Variants in NRG1 observed in about 807,000 individuals in gnomAD.
NRG1 encodes neuregulin 1, also known as pro-neuregulin-1, membrane-bound isoform.
In NRG1, 18 loss-of-function variants were observed where a neutral mutation model predicts 63.8. The ratio of observed to expected loss-of-function variants is 0.28; its 90% CI spans 0.19 to 0.42. The LOEUF (loss-of-function observed/expected upper bound fraction) is 0.42. NRG1 is among the 10% of genes least tolerant of loss of function. The pLI is 1.00. For missense variants in NRG1, 762 were observed against 814.7 expected (o/e 0.94, Z 0.79); for synonymous variants, 302 against 301.3 (o/e 1.00, Z -0.02).
At chr8:31,698,560 C>A (rs1810319490) in intron 1 of NRG1, among the ~76,000 whole-genome samples, 1 of 152,194 alleles carries the variant, frequency 6.6e-6, no homozygotes, top group African/African-American at 2.4e-5. Context: ...TATTTATTGA[C>A]TGCCTGCTTC....
chr8:32,214,464 C>A (rs1183760623), intron 1 of NRG1, among the ~76,000 whole-genome samples: 1 of 152,038 alleles, frequency 6.6e-6, no homozygotes, highest in Non-Finnish European at 1.5e-5. Context: ...CATTGCTTTC[C>A]TTTGGATATT....
At chr8:32,412,420 C>CA (rs1815116027) in intron 1 of NRG1, among the ~76,000 whole-genome samples, 26 of 41,742 alleles carry the variant, frequency 6.2e-4, no homozygotes, top group Non-Finnish European at 1.2e-3. Context: ...CTCTCTCTCT[C>CA]TACATATATA....
intron 1 of NRG1, among the ~76,000 whole-genome samples, chr8:31,840,243 C>T (rs1586743689): frequency 6.6e-6 from 1 of 151,872 alleles, no homozygotes; most frequent in Non-Finnish European, 1.5e-5. Flanking sequence ...TCTACCTAGT[C>T]CATAGTATCC....
intron 1 of NRG1, among the ~76,000 whole-genome samples, chr8:32,154,381 C>T (rs571367849): frequency 1.3e-5 from 2 of 151,980 alleles, no homozygotes; most frequent in South Asian, 2.1e-4. Context: ...GCCTTCCTTT[C>T]TCCCACTTCC....
intron 1 of NRG1, among the ~76,000 whole-genome samples, chr8:32,348,605 C>T (rs370359439): frequency 5.3e-5 from 8 of 152,166 alleles, no homozygotes; most frequent in African/African-American, 1.9e-4. Context: ...TAGCCACTTA[C>T]TTACTCAATT....
In NRG1 at chr8:31,640,420, G is replaced by A; in HGVS notation, c.37+989G>A. ...CGGGACCGTGCCCTCTTGGCCCACC[G>A]CCCCGGTGCCCAGCGCCGGCGAGCC... On this transcript the variant is annotated intron_variant, in intron 1 of 10. Transcript: ENST00000519301. This position sits in a 1 kb window ranked among gnomAD's most constrained non-coding sequence, Gnocchi z 6.3. 3 of 1,492,390 alleles carry A rather than the reference G, an allele frequency of 2.0e-6. No individual in the cohort carries two copies. The highest frequency in any genetic ancestry group is 2.2e-5 in the Admixed American group (1 of 45,128). 92.4% of individuals were successfully genotyped at this position (1,492,390 alleles called of 1,614,324 possible).
intron 1 of NRG1, among the ~76,000 whole-genome samples, chr8:32,356,485 A>T (rs73676717): frequency 2.6e-5 from 2 of 75,484 alleles, no homozygotes; most frequent in Non-Finnish European, 2.5e-5. Context: ...CCCCCCCCCC[A>T]CCCGCCGGGC....
chr8:32,554,118 G>A (rs1834648980), intron 1 of NRG1, among the ~76,000 whole-genome samples: 1 of 152,074 alleles, frequency 6.6e-6, no homozygotes, highest in African/African-American at 2.4e-5. Flanking sequence ...GTTAACCCTG[G>A]AGCTCCCCCT....
chr8:32,310,636 T>C (rs1437822134), intron 1 of NRG1, among the ~76,000 whole-genome samples: 1 of 152,140 alleles, frequency 6.6e-6, no homozygotes, highest in Non-Finnish European at 1.5e-5. Context: ...GCAGGAGAAG[T>C]CTAAGAATTA....
At chr8:32,231,186 A>C (rs1231358058) in intron 1 of NRG1, among the ~76,000 whole-genome samples, 1 of 152,124 alleles carries the variant, frequency 6.6e-6, no homozygotes, top group African/African-American at 2.4e-5. Context: ...AAATTGGTTA[A>C]AAAAAGGGTA....
At chr8:32,074,946 A>G (rs1467819657) in intron 1 of NRG1, among the ~76,000 whole-genome samples, 3 of 152,362 alleles carry the variant, frequency 2.0e-5, no homozygotes, top group South Asian at 4.1e-4. Flanking sequence ...CCCTTGATTC[A>G]GATTGCCTGA....
chr8:31,762,863 C>T (rs1817692240), intron 1 of NRG1, among the ~76,000 whole-genome samples: 1 of 152,088 alleles, frequency 6.6e-6, no homozygotes, highest in Non-Finnish European at 1.5e-5. Context: ...CATTACTTGA[C>T]ATGAAAACCT....
intron 1 of NRG1, among the ~76,000 whole-genome samples, chr8:31,707,576 G>T (rs1270963880): frequency 6.6e-6 from 1 of 151,906 alleles, no homozygotes; most frequent in Non-Finnish European, 1.5e-5. Context: ...AAATTAAATT[G>T]CTGTCTTTAT....
At chr8:31,765,741 G>A (rs1175857949) in intron 1 of NRG1, among the ~76,000 whole-genome samples, 1 of 152,090 alleles carries the variant, frequency 6.6e-6, no homozygotes. Context: ...TCTGTGTCAT[G>A]GAAAAGAGGT....
Position 31,769,241 on chromosome 8 carries a change from G to A in NRG1, c.37+129810G>A, listed in dbSNP as rs914169055. Among the ~76,000 whole-genome samples the A allele has an allele frequency of 2.6e-5, 4 of 152,074 alleles. No individual in the cohort carries two copies. In the South Asian group the frequency reaches 8.3e-4, roughly 32 times the overall value. ...TAATGGCTTGCTATTTATTTTCAGG[G>A]TTTCTTTTAGTATCTTTGACCTCTG... On this transcript the variant is annotated intron_variant, in intron 1 of 10. Coordinates refer to the NRG1 transcript ENST00000519301.
In NRG1 at chr8:32,054,863, C is replaced by CTTTTTTTTTT. The variant is rs543522972; in HGVS notation, c.37+415466_37+415475dup. ...CCTTGAAAAGCAGATTTCTTTCTTT[C>CTTTTTTTTTT]TTTTTTTTTTTTTTTTTTTTTTTTT... On this transcript the variant is annotated intron_variant, in intron 1 of 10. Transcript: ENST00000519301. Among the ~76,000 whole-genome samples, 8 of 64,022 alleles carry CTTTTTTTTTT rather than the reference C, an allele frequency of 1.2e-4. 2 individuals carry two copies. The highest frequency in any genetic ancestry group is 4.3e-4 in the African/African-American group (7 of 16,420). 42.0% of individuals were successfully genotyped at this position (64,022 alleles called of 152,430 possible).
At chr8:32,628,697 G>A (rs1849724622) in intron 5 of NRG1, among the ~76,000 whole-genome samples, 1 of 150,618 alleles carries the variant, frequency 6.6e-6, no homozygotes, top group African/African-American at 2.4e-5. Context: ...CACTACATGT[G>A]TACACACAGA....
intron 1 of NRG1, among the ~76,000 whole-genome samples, chr8:32,397,726 T>C (rs1812626477): frequency 6.6e-6 from 1 of 152,194 alleles, no homozygotes; most frequent in African/African-American, 2.4e-5. Flanking sequence ...ATTCCGGTTC[T>C]GAAACACACC....
intron 1 of NRG1, among the ~76,000 whole-genome samples, chr8:31,734,801 T>C (rs574718321): frequency 1.3e-5 from 2 of 152,342 alleles, no homozygotes; most frequent in South Asian, 4.1e-4. Context: ...GAAATGATTC[T>C]ACCTTAGATA....
Sources: gnomAD v4.1 joint callset for allele counts (sites outside exome capture counted in the v4.1 genomes callset) on GRCh38, gnomAD v4.1.1 for gene constraint, Gnocchi (gnomAD v3.1) non-coding constraint, MANE v1.5 for transcripts, NCBI Gene and HGNC (gene_info 2026-07-23, HGNC 2026-07-21) for gene names.